PAPPA: variants seen among roughly 807,000 people sequenced by gnomAD.
PAPPA encodes the protein pappalysin-1.
A neutral mutation model predicts 164.0 loss-of-function variants in PAPPA; 60 were observed. That is an observed-to-expected ratio of 0.37 (90% CI 0.30 to 0.45). The LOEUF is 0.45. PAPPA is among the 20% of genes least tolerant of loss of function. PAPPA has a pLI of 1.00. For synonymous variants in PAPPA, 875 were observed against 814.1 expected (o/e 1.07, Z -1.27); for missense variants, 1,782 against 2,087.3 (o/e 0.85, Z 2.85).
chr9:116,169,310 CTTTTTT>C (rs563871496), intron 1 of PAPPA, among the ~76,000 whole-genome samples: 13 of 52,154 alleles, frequency 2.5e-4, no homozygotes, highest in Non-Finnish European at 3.8e-4. Flanking sequence ...CAAACCCATT[CTTTTTT>C]TTTTTTTTTT....
chr9:116,308,317 T>C (rs1257533092), intron 10 of PAPPA, among the ~76,000 whole-genome samples: 1 of 152,182 alleles, frequency 6.6e-6, no homozygotes, highest in East Asian at 1.9e-4. Context: ...ACTCAGCCAG[T>C]AGTGATGAGA....
At chr9:116,393,704 T>C (rs1846923913) in intron 21 of PAPPA, among the ~76,000 whole-genome samples, 1 of 152,154 alleles carries the variant, frequency 6.6e-6, no homozygotes, top group African/African-American at 2.4e-5. Flanking sequence ...GAGGTAGTGA[T>C]ACTTGCGAAA....
chr9:116,335,170 A>T (rs1177336417), intron 13 of PAPPA, 96 bp downstream of exon 13: 1 of 1,015,380 alleles, frequency 9.8e-7, no homozygotes, highest in African/African-American at 1.6e-5. Flanking sequence ...GGATGTAAAA[A>T]GTCTGTGCAT....
intron 6 of PAPPA, among the ~76,000 whole-genome samples, chr9:116,233,114 A>C (rs1238495454): frequency 1.3e-5 from 2 of 152,242 alleles, no homozygotes; most frequent in Non-Finnish European, 2.9e-5. Context: ...CAATGTTAAC[A>C]GGCTAGAAGG....
At position 116,211,907 on chromosome 9, in the gene PAPPA, T is replaced by G. The variant is rs1338673704; in HGVS notation, c.1893T>G (p.Pro631=). Residue 631 remains proline, a synonymous_variant, in exon 4 of 22, where the codon CCT becomes CCG. Transcript: ENST00000328252. ...GCTTTCATAGCTTCTTCAACACTCC[T>G]TACAACAACTTCATGAGCTATGCAG... ...TCGFHSFFNT[P]YNNFMSYADD... 3.1e-6 allele frequency: 5 copies of G among 1,614,030 alleles called. No individual in the cohort carries two copies. In the South Asian group the frequency reaches 5.5e-5, roughly 18 times the overall value.
Position 116,271,446 on chromosome 9 carries a change from A to G in PAPPA, c.2953+30A>G. ...GTCTTTTTCATTTCTTGTGGCCTTC[A>G]TGAAGAAATGAACGGTGCAGAATGG... is the stretch of plus-strand genomic sequence containing the variant. On this transcript the variant is annotated intron_variant, in intron 9 of 21. Transcript: ENST00000328252. The surrounding 1 kb of genome is among the most constrained non-coding windows in gnomAD (Gnocchi z 4.2). The G allele has an allele frequency of 2.8e-6, 4 of 1,445,462 alleles. No homozygotes were observed. Among genetic ancestry groups the G allele is most frequent in the Non-Finnish European group, 3.9e-6 (4 of 1,025,950 alleles). The allele number at this position is 1,445,462 out of a possible 1,614,324, so 89.5% of individuals were successfully genotyped here.
Position 116,227,465 on chromosome 9 carries a change from G to C in PAPPA, c.2146G>C (p.Gly716Arg). The change falls in exon 6 of 22, where the codon GGG becomes CGG. Residue 716 changes from glycine (G) to arginine (R), a missense_variant. Around this residue, in one of 2 missense-constraint regions of PAPPA, gnomAD observed 1,324 missense variants for 1,656.9 expected, o/e 0.80. Coordinates refer to ENST00000328252, the MANE Select transcript of PAPPA (RefSeq NM_002581.5). ...ATCAGCATGTCATCTTTGCCTGGAA[G>C]GGAGAATCCTGGTGCAGTATGCTTC... is the stretch of plus-strand genomic sequence containing the variant. ...LGSACHLCLE[G>R]RILVQYASNA... 1 of 1,614,058 alleles carries C rather than the reference G, an allele frequency of 6.2e-7. No individual in the cohort carries two copies. The highest frequency in any genetic ancestry group is 8.5e-7 in the Non-Finnish European group (1 of 1,179,978).
chr9:116,335,415 A>C (rs139722239), intron 13 of PAPPA, among the ~76,000 whole-genome samples: 1 of 152,208 alleles, frequency 6.6e-6, no homozygotes, highest in South Asian at 2.1e-4. Flanking sequence ...GCTCTCTTTT[A>C]TCTCTGAAAT....
Position 116,344,576 on chromosome 9 carries a change from T to C in PAPPA, c.3645T>C (p.Cys1215=), listed in dbSNP as rs1295858249. Residue 1215 remains cysteine, a synonymous_variant, in exon 14 of 22, where the codon TGT becomes TGC. Coordinates refer to ENST00000328252, the MANE Select transcript of PAPPA (RefSeq NM_002581.5). ...CVHFACEKTD[C]PELAVENASL... ...ACTTCGCATGTGAGAAAACTGACTGTCCAGAGCTGGCTGTGGAGAATGCTT... is the reference window on the plus strand; with the variant it reads ...ACTTCGCATGTGAGAAAACTGACTGCCCAGAGCTGGCTGTGGAGAATGCTT... 6.2e-7 allele frequency: 1 copy of C among 1,614,106 alleles called. No homozygotes were observed. The highest frequency in any genetic ancestry group is 1.7e-5 in the Admixed American group (1 of 60,022).
At chr9:116,258,728 A>G (rs184875161) in intron 7 of PAPPA, among the ~76,000 whole-genome samples, 6 of 152,366 alleles carry the variant, frequency 3.9e-5, no homozygotes, top group South Asian at 4.1e-4. Context: ...CAGTATTACA[A>G]TTCAGTAGTG....
intron 2 of PAPPA, 44 bp from the exon 3 acceptor site, chr9:116,207,412 T>C: frequency 1.9e-6 from 3 of 1,571,124 alleles, no homozygotes; most frequent in Non-Finnish European, 2.6e-6. Flanking sequence ...GCCTGTTATC[T>C]TTTTGGGGGC....
intron 10 of PAPPA, among the ~76,000 whole-genome samples, chr9:116,315,689 C>T (rs561248941): frequency 2.0e-5 from 3 of 151,650 alleles, no homozygotes; most frequent in African/African-American, 7.3e-5. Flanking sequence ...AGAGATCTCC[C>T]AATACAAGGC....
chr9:116,336,059 C>T (rs1321767018), intron 13 of PAPPA, among the ~76,000 whole-genome samples: 2 of 152,186 alleles, frequency 1.3e-5, no homozygotes, highest in African/African-American at 2.4e-5. Flanking sequence ...GTCCAAACTT[C>T]TGTGTTACCA....
chr9:116,253,275 G>C (rs1844881172), intron 7 of PAPPA, among the ~76,000 whole-genome samples: 1 of 152,000 alleles, frequency 6.6e-6, no homozygotes, highest in Non-Finnish European at 1.5e-5. Context: ...CACTCTACTT[G>C]GTTTATCCTC....
chr9:116,182,781 G>T (rs1405937916), intron 1 of PAPPA, among the ~76,000 whole-genome samples: 1 of 152,178 alleles, frequency 6.6e-6, no homozygotes, highest in East Asian at 1.9e-4. Context: ...CAGCCTAGCT[G>T]CAGGAAGATA....
At chr9:116,337,710 C>A (rs933113491) in intron 13 of PAPPA, among the ~76,000 whole-genome samples, 1 of 151,970 alleles carries the variant, frequency 6.6e-6, no homozygotes, top group Admixed American at 6.6e-5. Flanking sequence ...TCTCCCCCGC[C>A]CCCCACCTTC....
Position 116,302,654 on chromosome 9 carries a change from T to C in PAPPA, c.2954-103T>C, listed in dbSNP as rs191104746. The C allele has an allele frequency of 5.9e-6, 5 of 852,848 alleles. No homozygotes were observed. In the East Asian group the frequency reaches 1.3e-4, roughly 22 times the overall value. The allele number at this position is 852,848 out of a possible 1,614,324, so 52.8% of individuals were successfully genotyped here. On this transcript the variant is annotated intron_variant, in intron 9 of 21. Transcript: ENST00000328252. Reference sequence around the variant, plus strand: ...GTGACTAATGTGATGGGCTTGACAGTACCAATGGTTTTGGTGGTCTGACTC... The same window carrying C: ...GTGACTAATGTGATGGGCTTGACAGCACCAATGGTTTTGGTGGTCTGACTC...
chr9:116,235,627 T>A lies in PAPPA; in HGVS notation c.2722T>A (p.Phe908Ile), dbSNP rs1345661825. The part of the protein sequence containing the change: ...VASILHLNRK[F>I]VDMDLNLGSV... ...CTCCATCCTACATCTCAATAGGAAA[T>A]TCGTAGACATGTAAGTGCATTCTCT... Residue 908 changes from phenylalanine to isoleucine, a missense_variant, in exon 7 of 22, where the codon TTC (phenylalanine) becomes ATC (isoleucine). By Grantham distance (21) the Phe-to-Ile change is conservative (BLOSUM62 0). Around this residue, in one of 2 missense-constraint regions of PAPPA, gnomAD observed 1,324 missense variants for 1,656.9 expected, o/e 0.80. Coordinates refer to ENST00000328252, the MANE Select transcript of PAPPA (RefSeq NM_002581.5). The A allele has an allele frequency of 6.2e-7, 1 of 1,613,080 alleles. No individual in the cohort carries two copies. Among genetic ancestry groups the A allele is most frequent in the Admixed American group, 1.7e-5 (1 of 60,006 alleles).
At chr9:116,255,640 T>A (rs1053932148) in intron 7 of PAPPA, among the ~76,000 whole-genome samples, 2 of 151,956 alleles carry the variant, frequency 1.3e-5, no homozygotes, top group Non-Finnish European at 2.9e-5. Flanking sequence ...TTTTGGCAAT[T>A]GAGTGGCTTG....
Sources: allele counts gnomAD v4.1 joint callset (sites outside exome capture counted in the v4.1 genomes callset), GRCh38; gene constraint gnomAD v4.1.1; regional missense constraint gnomAD v4.1.1; non-coding constraint Gnocchi (gnomAD v3.1); transcripts MANE v1.5; gene names NCBI Gene and HGNC (gene_info 2026-07-23, HGNC 2026-07-21).